The following ERO1A variants were observed in gnomAD, a reference collection of about 807,000 sequenced individuals.
ERO1A encodes ERO1-like protein alpha.
ERO1A carries 49 observed loss-of-function variants against 76.9 expected under a neutral mutation model. The observed-to-expected ratio is 0.64, with a 90% confidence interval of 0.51 to 0.81. The LOEUF (loss-of-function observed/expected upper bound fraction) is 0.81, where lower values mean the gene tolerates loss of function less well. Among genes scored for constraint, ERO1A ranks in the 30% least tolerant of loss-of-function variants. ERO1A has a pLI of 0.00. For missense variants in ERO1A, 448 were observed against 542.1 expected (o/e 0.83, Z 1.72); for synonymous variants, 174 against 181.2 (o/e 0.96, Z 0.32).
intron 6 of ERO1A, 105 bp downstream of exon 6, chr14:52,671,525 G>A (rs1594829164): frequency 4.3e-6 from 3 of 703,948 alleles, no homozygotes; most frequent in Middle Eastern, 4.1e-4. Context: ...CTCCAGATAA[G>A]CTGGGACTAC....
At chr14:52,683,635 G>C (rs558457772) in intron 2 of ERO1A, among the ~76,000 whole-genome samples, 153 bp downstream of exon 2, 2 of 152,202 alleles carry the variant, frequency 1.3e-5, no homozygotes, top group South Asian at 2.1e-4. Context: ...GATGGTTTCA[G>C]AATCACATGC....
chr14:52,684,118 G>GACACACACACACACACACACACACAC (rs60355765), intron 1 of ERO1A, among the ~76,000 whole-genome samples: 2 of 134,520 alleles, frequency 1.5e-5, no homozygotes, highest in African/African-American at 5.4e-5. Flanking sequence ...CAGAGCTCAT[G>GACACACACACACACACACACACACAC]ACACACACAC....
intron 15 of ERO1A, among the ~76,000 whole-genome samples, chr14:52,645,080 AATT>A (rs2039600772): frequency 1.3e-5 from 2 of 152,122 alleles, no homozygotes. Context: ...GATAGGAAAT[AATT>A]ATTTTTAAAA....
chr14:52,682,495 G>T, intron 2 of ERO1A, 87 bp from the exon 3 acceptor site: 1 of 1,002,696 alleles, frequency 1.0e-6, no homozygotes, highest in Non-Finnish European at 1.5e-6. Context: ...CTATAACTTG[G>T]TCATGTTATC....
rs1404572698 is a variant in ERO1A, at chr14:52,695,431, C to A, written c.51G>T (p.Leu17=). Residue 17 remains leucine, a synonymous_variant, in exon 1 of 16, where the codon CTG becomes CTT. Transcript: ENST00000395686. The part of the protein sequence containing the change: ...FLFGLLGAVW[L]LSSGHGEEQP... ...GCTCCTCTCCGTGGCCCGAGCTGAG[C>A]AGCCACACGGCGCCCAGGAGGCCAA... 3.9e-6 allele frequency: 6 copies of A among 1,554,060 alleles called. No homozygotes were observed. The highest frequency in any genetic ancestry group is 5.2e-6 in the Non-Finnish European group (6 of 1,150,338).
At position 52,640,645 on chromosome 14, in the gene ERO1A, G is replaced by C. The variant is rs944678469; in HGVS notation, c.*2925C>G. ...TAGGTATAGGAGGCAGGTTAGTACTGTAGGTATTTATTAATAATAGCAATG... is the reference window on the plus strand; with the variant it reads ...TAGGTATAGGAGGCAGGTTAGTACTCTAGGTATTTATTAATAATAGCAATG... On this transcript the variant is annotated 3_prime_UTR_variant, in exon 16 of 16. Coordinates refer to ENST00000395686, the MANE Select transcript of ERO1A (RefSeq NM_014584.3). 1 of 152,162 alleles carries C rather than the reference G, an allele frequency of 6.6e-6. No homozygotes were observed. The highest frequency in any genetic ancestry group is 1.5e-5 in the Non-Finnish European group (1 of 68,044). 9.4% of individuals were successfully genotyped at this position (152,162 alleles called of 1,614,324 possible).
chr14:52,647,291 T>C (rs773775213), intron 13 of ERO1A, among the ~76,000 whole-genome samples: 4 of 151,270 alleles, frequency 2.6e-5, no homozygotes, highest in East Asian at 1.9e-4. Context: ...TGAGCCACTG[T>C]GCCCAGCCCT....
chr14:52,679,905 A>C (rs2040929949), intron 3 of ERO1A, among the ~76,000 whole-genome samples: 2 of 151,992 alleles, frequency 1.3e-5, no homozygotes, highest in South Asian at 4.2e-4. Flanking sequence ...ACAAAAAATT[A>C]GCTGGGCATG....
At chr14:52,649,887 A>G (rs1365019786) in intron 13 of ERO1A, among the ~76,000 whole-genome samples, 1 of 152,196 alleles carries the variant, frequency 6.6e-6, no homozygotes. Context: ...GAAAGAAAGA[A>G]TGAAAAGCAG....
intron 3 of ERO1A, among the ~76,000 whole-genome samples, chr14:52,680,388 AG>A (rs1267529093): frequency 1.3e-5 from 2 of 152,314 alleles, no homozygotes; most frequent in South Asian, 2.1e-4. Flanking sequence ...CAGTATTTTC[AG>A]GGTTTCTGCT....
At chr14:52,693,358 T>C (rs1353904385) in intron 1 of ERO1A, among the ~76,000 whole-genome samples, 1 of 152,208 alleles carries the variant, frequency 6.6e-6, no homozygotes, top group African/African-American at 2.4e-5. Context: ...CTTTCTCCCA[T>C]GCTGGATGCT....
chr14:52,659,819 C>T (rs578001233), intron 9 of ERO1A, among the ~76,000 whole-genome samples: 1 of 143,874 alleles, frequency 7.0e-6, no homozygotes, highest in African/African-American at 2.6e-5. Context: ...GTGTGTGTGT[C>T]TGTGTGTCCT....
At chr14:52,659,141 C>A (rs1183923505) in intron 9 of ERO1A, among the ~76,000 whole-genome samples, 2 of 151,898 alleles carry the variant, frequency 1.3e-5, no homozygotes, top group Non-Finnish European at 2.9e-5. Context: ...GGGATTAGAT[C>A]CTAAATATAT....
chr14:52,645,847 TACACACACACACAC>T (rs113770296), intron 15 of ERO1A, among the ~76,000 whole-genome samples: 1 of 145,128 alleles, frequency 6.9e-6, no homozygotes, highest in Non-Finnish European at 1.5e-5. Flanking sequence ...CTACTAAAAA[TACACACACACACAC>T]ACACACACAC....
chr14:52,680,835 A>G (rs1368084164), intron 3 of ERO1A, among the ~76,000 whole-genome samples: 1 of 152,236 alleles, frequency 6.6e-6, no homozygotes, highest in Non-Finnish European at 1.5e-5. Flanking sequence ...TTCTCATGGT[A>G]AAATGCCCAT....
intron 15 of ERO1A, among the ~76,000 whole-genome samples, chr14:52,644,667 C>T (rs1170696046): frequency 6.6e-6 from 1 of 151,942 alleles, no homozygotes; most frequent in Non-Finnish European, 1.5e-5. Flanking sequence ...TATATGAATA[C>T]TTAAAATACA....
chr14:52,658,280 A>G (rs918366701), intron 9 of ERO1A, 130 bp from the exon 10 acceptor site: 1 of 643,044 alleles, frequency 1.6e-6, no homozygotes, highest in African/African-American at 1.8e-5. Flanking sequence ...TAACGGTCCA[A>G]GTCTTAATTG....
In ERO1A at chr14:52,686,373, G is replaced by A. The variant is rs927660091; in HGVS notation, c.115-2466C>T. The stretch of plus-strand genomic sequence containing the variant: ...AGTGCCCCAGAGTACACAAGCACAG[G>A]AGGCAGAAACACACATAGCAAGTAA... On this transcript the variant is annotated intron_variant, in intron 1 of 15. Coordinates refer to ENST00000395686, the MANE Select transcript of ERO1A (RefSeq NM_014584.3). Among the ~76,000 whole-genome samples, 7 of 152,152 alleles carry A rather than the reference G, an allele frequency of 4.6e-5. No homozygotes were observed. In the East Asian group the frequency reaches 1.3e-3, roughly 29 times the overall value.
At chr14:52,682,494 G>T in intron 2 of ERO1A, 86 bp from the exon 3 acceptor site, 2 of 1,012,780 alleles carry the variant, frequency 2.0e-6, no homozygotes, top group South Asian at 1.5e-5. Flanking sequence ...GCTATAACTT[G>T]GTCATGTTAT....
Sources: allele counts gnomAD v4.1 joint callset (sites outside exome capture counted in the v4.1 genomes callset), GRCh38; gene constraint gnomAD v4.1.1; transcripts MANE v1.5; gene names NCBI Gene and HGNC (gene_info 2026-07-23, HGNC 2026-07-21).